The following PEX5L variants were observed in gnomAD, a reference collection of about 807,000 sequenced individuals.
PEX5L encodes peroxisomal biogenesis factor 5 like, also known as PEX5-related protein.
In PEX5L, 30 loss-of-function variants were observed where a neutral mutation model predicts 84.0. That is an observed-to-expected ratio of 0.36 (90% confidence interval 0.27 to 0.48). The LOEUF is 0.48. PEX5L is among the 20% of genes least tolerant of loss of function. PEX5L has a pLI of 0.99. For synonymous variants in PEX5L, 270 were observed against 283.1 expected (o/e 0.95, Z 0.46); for missense variants, 533 against 754.6 (o/e 0.71, Z 3.44).
chr3:180,020,068 C>A lies in PEX5L; in HGVS notation c.21+16511G>T, dbSNP rs895840595. 1.7e-4 allele frequency among the ~76,000 whole-genome samples: 26 copies of A among 152,290 alleles called. 1 individual carries two copies. The highest frequency in any genetic ancestry group is 6.0e-4 in the African/African-American group (25 of 41,572). On this transcript the variant is annotated intron_variant, in intron 1 of 14. Transcript: ENST00000467460. Reference sequence around the variant, plus strand: ...GAATTGCTACAACTTGGATTAACATCTCATCGAAAATTTCCCCCATGTCTT... The same window carrying A: ...GAATTGCTACAACTTGGATTAACATATCATCGAAAATTTCCCCCATGTCTT...
At chr3:180,017,075 A>G (rs996620484) in intron 1 of PEX5L, among the ~76,000 whole-genome samples, 3 of 152,178 alleles carry the variant, frequency 2.0e-5, no homozygotes, top group Non-Finnish European at 4.4e-5. Flanking sequence ...GATTTTCTCT[A>G]GTGGGTAAAT....
At chr3:180,028,531 T>C (rs907763273) in intron 1 of PEX5L, among the ~76,000 whole-genome samples, 2 of 152,236 alleles carry the variant, frequency 1.3e-5, no homozygotes, top group East Asian at 3.8e-4. Flanking sequence ...TTTATTGTAA[T>C]ATTTATTTTC....
At chr3:179,812,470 C>A (rs945389974) in intron 10 of PEX5L, among the ~76,000 whole-genome samples, 1 of 152,106 alleles carries the variant, frequency 6.6e-6, no homozygotes, top group African/African-American at 2.4e-5. Context: ...TACATTTCAT[C>A]GTACCTTAAG....
At chr3:179,827,531 C>T (rs1387433876) in intron 8 of PEX5L, among the ~76,000 whole-genome samples, 1 of 152,190 alleles carries the variant, frequency 6.6e-6, no homozygotes, top group African/African-American at 2.4e-5. Flanking sequence ...TGAGCCCTAC[C>T]CAAATTACAG....
chr3:179,980,158 TA>T (rs1786188446), intron 1 of PEX5L, among the ~76,000 whole-genome samples: 1 of 152,208 alleles, frequency 6.6e-6, no homozygotes. Context: ...AAAATTTGCC[TA>T]TGAAATTTTG....
chr3:179,818,333 G>T (rs1482589138), intron 9 of PEX5L, among the ~76,000 whole-genome samples: 1 of 151,862 alleles, frequency 6.6e-6, no homozygotes, highest in Non-Finnish European at 1.5e-5. Flanking sequence ...GGGTACATGA[G>T]ATATTTTGAT....
chr3:179,879,321 C>G (rs1753446110), intron 5 of PEX5L, among the ~76,000 whole-genome samples: 1 of 152,154 alleles, frequency 6.6e-6, no homozygotes. Flanking sequence ...TTGACTAGAA[C>G]TAGGCTCAAA....
intron 1 of PEX5L, among the ~76,000 whole-genome samples, chr3:180,019,041 C>T (rs546772724): frequency 8.5e-5 from 13 of 152,238 alleles, no homozygotes; most frequent in African/African-American, 2.6e-4. Context: ...CTTCTAGCTC[C>T]GTGTATTGGT....
Position 180,001,098 on chromosome 3 carries a change from G to A in PEX5L, c.22-29433C>T, listed in dbSNP as rs9844276. Among the ~76,000 whole-genome samples, 1,339 of 152,100 alleles carry A rather than the reference G, an allele frequency of 8.8e-3. 17 individuals are homozygous for A. The highest frequency in any genetic ancestry group is 0.031 in the African/African-American group (1,277 of 41,454). ...CACCATCTAATCAGCTGCCAGCTTG[G>A]CTAGAATACAAAGCAGGCAGGAAAA... On this transcript the variant is annotated intron_variant, in intron 1 of 14. Coordinates refer to ENST00000467460, the MANE Select transcript of PEX5L (RefSeq NM_016559.3).
chr3:179,811,334 A>G (rs1723761663), intron 11 of PEX5L, among the ~76,000 whole-genome samples: 1 of 151,932 alleles, frequency 6.6e-6, no homozygotes, highest in East Asian at 1.9e-4. Context: ...GTGGAAGTCT[A>G]TTTGGCAGAG....
In PEX5L at chr3:179,811,886, T is replaced by C; in HGVS notation, c.1084-15A>G. ...AACTGCCATGCCTACGAAAGACAAC[T>C]GATGTTAACATTGCAAGATGAAGCA... On this transcript the variant is annotated splice_polypyrimidine_tract_variant and intron_variant, in intron 10 of 14. Coordinates refer to ENST00000467460, the MANE Select transcript of PEX5L (RefSeq NM_016559.3). The C allele has an allele frequency of 2.5e-6, 4 of 1,604,540 alleles. No individual in the cohort carries two copies. The highest frequency in any genetic ancestry group is 3.4e-6 in the Non-Finnish European group (4 of 1,171,290).
At chr3:179,825,447 G>C (rs73058619) in intron 8 of PEX5L, among the ~76,000 whole-genome samples, 2,534 of 152,270 alleles carry the variant, frequency 0.017, 73 homozygotes, top group African/African-American at 0.058. Context: ...ACAACTGTGA[G>C]TGTCTCTGGT....
rs114401245 is a variant in PEX5L, at chr3:179,812,490, A to G, written c.1084-619T>C. Among the ~76,000 whole-genome samples the G allele has an allele frequency of 5.3e-3, 809 of 152,140 alleles. 6 individuals carry two copies. The highest frequency in any genetic ancestry group is 0.019 in the African/African-American group (772 of 41,518). ...TTCATCGTACCTTAAGCCCTTTTTC[A>G]TGTTTTTACAAAATCCTTGTAATTT... On this transcript the variant is annotated intron_variant, in intron 10 of 14. Transcript: ENST00000467460.
intron 5 of PEX5L, among the ~76,000 whole-genome samples, chr3:179,877,723 G>T (rs1226699480): frequency 6.6e-6 from 1 of 152,132 alleles, no homozygotes; most frequent in Non-Finnish European, 1.5e-5. Context: ...CTTCCAAAGT[G>T]CTGGGATTAC....
intron 7 of PEX5L, among the ~76,000 whole-genome samples, chr3:179,862,597 C>T (rs1746608320): frequency 6.6e-6 from 1 of 152,118 alleles, no homozygotes; most frequent in African/African-American, 2.4e-5. Context: ...ACTCTATTGT[C>T]TTCCTGTTGG....
chr3:179,937,416 T>A (rs868552685), intron 2 of PEX5L, among the ~76,000 whole-genome samples: 102 of 148,428 alleles, frequency 6.9e-4, no homozygotes, highest in African/African-American at 2.5e-3. Flanking sequence ...TACTCCAAAA[T>A]AAAAAAAAAA....
chr3:179,986,397 A>ATTTTTTT (rs11344304), intron 1 of PEX5L, among the ~76,000 whole-genome samples: 2 of 111,096 alleles, frequency 1.8e-5, no homozygotes, highest in Non-Finnish European at 3.4e-5. Flanking sequence ...CCATTTAGTA[A>ATTTTTTT]TTTTTTTTTT....
chr3:179,946,000 G>A (rs1240669633), intron 2 of PEX5L, among the ~76,000 whole-genome samples: 1 of 150,918 alleles, frequency 6.6e-6, no homozygotes, highest in Non-Finnish European at 1.5e-5. Context: ...TAGATGTGTT[G>A]ATCTGCAGTA....
At chr3:179,904,102 A>G (rs1009039589) in intron 2 of PEX5L, among the ~76,000 whole-genome samples, 3 of 152,236 alleles carry the variant, frequency 2.0e-5, no homozygotes, top group Non-Finnish European at 2.9e-5. Context: ...GTCAAGTTGC[A>G]GAAAAGAAAT....
Sources: gnomAD v4.1 joint callset for allele counts (sites outside exome capture counted in the v4.1 genomes callset) on GRCh38, gnomAD v4.1.1 for gene constraint, MANE v1.5 for transcripts, NCBI Gene and HGNC (gene_info 2026-07-23, HGNC 2026-07-21) for gene names.